The following TRPV2 variants were observed in gnomAD, a reference collection of about 807,000 sequenced individuals.
The protein encoded by TRPV2 is transient receptor potential cation channel subfamily V member 2.
A neutral mutation model predicts 91.0 loss-of-function variants in TRPV2; 58 were observed. The observed-to-expected ratio is 0.64, with a 90% CI of 0.52 to 0.79. TRPV2 has a LOEUF of 0.79. Ranked by LOEUF, TRPV2 falls within the 30% of genes least tolerant of loss-of-function variation. The pLI is 0.00. For missense variants in TRPV2, 807 were observed against 969.6 expected (o/e 0.83, Z 2.23); for synonymous variants, 417 against 414.8 (o/e 1.01, Z -0.06).
At chr17:16,418,441 C>A (rs1312325808) in intron 2 of TRPV2, among the ~76,000 whole-genome samples, 1 of 152,116 alleles carries the variant, frequency 6.6e-6, no homozygotes, top group African/African-American at 2.4e-5. Flanking sequence ...CATTTGGCAC[C>A]CCCTACTTCC....
At chr17:16,431,276 TA>T (rs1568918781) in intron 10 of TRPV2, among the ~76,000 whole-genome samples, 11 of 76,808 alleles carry the variant, frequency 1.4e-4, no homozygotes, top group Non-Finnish European at 1.7e-4. Context: ...TATATATATA[TA>T]TATATATATA....
rs920990102 is a variant in TRPV2 at position 16,428,245 on chromosome 17, C to A, written c.1351-72C>A. 6.1e-6 allele frequency: 9 copies of A among 1,468,064 alleles called. No homozygotes were observed. In the African/African-American group the frequency reaches 9.7e-5, roughly 16 times the overall value. 90.9% of individuals were successfully genotyped at this position (1,468,064 alleles called of 1,614,324 possible). A position where few individuals can be genotyped will look rare whatever the true frequency, so the allele number is the denominator to read the frequency against. On this transcript the variant is annotated intron_variant, in intron 8 of 14. Transcript: ENST00000338560. Reference sequence around the variant, plus strand: ...AGCTCTAGCCTGGGTGGCAGGCTCCCACTCAGCCAGGCCAGCAGGGGGCAT... The same window carrying A: ...AGCTCTAGCCTGGGTGGCAGGCTCCAACTCAGCCAGGCCAGCAGGGGGCAT...
intron 1 of TRPV2, chr17:16,416,609 G>A (rs1362610024): frequency 6.6e-6 from 1 of 152,342 alleles, no homozygotes; most frequent in Admixed American, 6.5e-5. Context: ...GCCCCCAGAG[G>A]CCCTGAGGCA....
rs200069259 is a variant in TRPV2 at position 16,426,838 on chromosome 17, C to G, written c.1212C>G (p.Ile404Met). 1.2e-6 allele frequency: 2 copies of G among 1,613,926 alleles called. No homozygotes were observed. Among genetic ancestry groups the G allele is most frequent in the East Asian group, 4.5e-5 (2 of 44,866 alleles). Residue 404 changes from isoleucine (I) to methionine (M), a missense_variant, in exon 7 of 15, where the codon ATC becomes ATG. Ile to Met is a conservative substitution (Grantham distance 10). Coordinates refer to ENST00000338560, the MANE Select transcript of TRPV2 (RefSeq NM_016113.5). The surrounding 1 kb of genome is among the most constrained non-coding windows in gnomAD (Gnocchi z 6.0). ...TGTGTAATCTGATCTACATGTTCAT[C>G]TTCACCGCTGTTGCCTACCATCAGC... is the stretch of plus-strand genomic sequence containing the variant. ...NFLCNLIYMF[I>M]FTAVAYHQPT...
rs2093397113 is a variant in TRPV2, at chr17:16,428,865, G to A, written c.1470G>A (p.Leu490=). The change falls in exon 10 of 15, where the codon CTG becomes CTA. Residue 490 remains leucine (L), a synonymous_variant. Transcript: ENST00000338560. Reference sequence around the variant, plus strand: ...TGGTGTCCCAGGTGCTGTGTTTCCTGGCCATCGAGTGGTACCTGCCCCTGC... The same window carrying A: ...TGGTGTCCCAGGTGCTGTGTTTCCTAGCCATCGAGTGGTACCTGCCCCTGC... The part of the protein sequence containing the change: ...LTVVSQVLCF[L]AIEWYLPLLV... The A allele has an allele frequency of 6.2e-7, 1 of 1,613,898 alleles. No individual in the cohort carries two copies.
At chr17:16,420,772 T>C (rs8071765) in intron 3 of TRPV2, among the ~76,000 whole-genome samples, 22,780 of 152,102 alleles carry the variant, frequency 0.15, 3,841 homozygotes, top group African/African-American at 0.41. Flanking sequence ...GTTCAGACTT[T>C]CTTTCTTTCT....
At chr17:16,424,526 C>T (rs1466293460) in intron 5 of TRPV2, among the ~76,000 whole-genome samples, 1 of 152,002 alleles carries the variant, frequency 6.6e-6, no homozygotes, top group African/African-American at 2.4e-5. Context: ...GAACTCCTGA[C>T]CTCAGGTGAT....
chr17:16,423,900 G>C, intron 5 of TRPV2, 133 bp downstream of exon 5: 1 of 825,296 alleles, frequency 1.2e-6, no homozygotes. Flanking sequence ...ACTCCTGTTA[G>C]TAAGAAAATT....
Position 16,432,126 on chromosome 17 carries a change from C to A in TRPV2, c.1815C>A (p.Ile605=). The change falls in exon 12 of 15, where the codon ATC becomes ATA. Residue 605 remains isoleucine, a synonymous_variant. Coordinates refer to ENST00000338560, the MANE Select transcript of TRPV2 (RefSeq NM_016113.5). The part of the protein sequence containing the change: ...EASLELFKFT[I]GMGELAFQEQ... ...CCTTGGAGCTCTTCAAATTCACCAT[C>A]GGCATGGGCGAGCTGGCCTTCCAGG... The A allele has an allele frequency of 6.2e-7, 1 of 1,614,240 alleles. No homozygotes were observed. The highest frequency in any genetic ancestry group is 8.5e-7 in the Non-Finnish European group (1 of 1,180,046).
Position 16,426,363 on chromosome 17 carries a change from C to T in TRPV2, c.1095+94C>T. ...GGCTGCCTGCTGGACCATATCTGCC[C>T]CATTCCTGTGCCAGTGGGGGTGTGG... On this transcript the variant is annotated intron_variant, in intron 6 of 14. Coordinates refer to ENST00000338560, the MANE Select transcript of TRPV2 (RefSeq NM_016113.5). The surrounding 1 kb of genome is among the most constrained non-coding windows in gnomAD (Gnocchi z 6.0). 23 of 1,457,050 alleles carry T rather than the reference C, an allele frequency of 1.6e-5. No homozygotes were observed. In the South Asian group the frequency reaches 2.8e-4, roughly 18 times the overall value. 90.3% of individuals were successfully genotyped at this position (1,457,050 alleles called of 1,614,324 possible). A position where few individuals can be genotyped will look rare whatever the true frequency, so the allele number is the denominator to read the frequency against.
chr17:16,435,048 G>C lies in TRPV2; in HGVS notation c.2194+79G>C, dbSNP rs1323070325. The C allele has an allele frequency of 7.8e-7, 1 of 1,289,048 alleles. No individual in the cohort carries two copies. The highest frequency in any genetic ancestry group is 1.5e-5 in the African/African-American group (1 of 65,306). 79.9% of individuals were successfully genotyped at this position (1,289,048 alleles called of 1,614,324 possible). ...TGGCCACAAAGCCTTGGAGAGTCTGGGGCAGGACCCAGAGACCTCCTCATA... is the reference window on the plus strand; with the variant it reads ...TGGCCACAAAGCCTTGGAGAGTCTGCGGCAGGACCCAGAGACCTCCTCATA... On this transcript the variant is annotated intron_variant, in intron 14 of 14. Coordinates refer to ENST00000338560, the MANE Select transcript of TRPV2 (RefSeq NM_016113.5). The surrounding 1 kb of genome is among the most constrained non-coding windows in gnomAD (Gnocchi z 4.2).
chr17:16,424,558 AGT>A (rs2093374101), intron 5 of TRPV2, among the ~76,000 whole-genome samples: 1 of 152,160 alleles, frequency 6.6e-6, no homozygotes, highest in South Asian at 2.1e-4. Context: ...GGCCTCCCAA[AGT>A]GCTGGGATTA....
Position 16,422,693 on chromosome 17 carries a change from G to A in TRPV2, c.429G>A (p.Arg143=). 1 of 1,611,150 alleles carries A rather than the reference G, an allele frequency of 6.2e-7. No homozygotes were observed. Among genetic ancestry groups the A allele is most frequent in the African/African-American group, 1.3e-5 (1 of 74,952 alleles). The change falls in exon 4 of 15, where the codon AGG becomes AGA. Residue 143 remains arginine (R), a synonymous_variant. Coordinates refer to ENST00000338560, the MANE Select transcript of TRPV2 (RefSeq NM_016113.5). ...TTCTGCCACTGCTGCAGATCGACAG[G>A]GACTCTGGCAATCCTCAGCCCCTGG... The part of the protein sequence containing the change: ...ACILPLLQID[R]DSGNPQPLVN...
intron 7 of TRPV2, 145 bp from the exon 8 acceptor site, chr17:16,427,304 C>A: frequency 1.5e-6 from 1 of 676,844 alleles, no homozygotes; most frequent in Non-Finnish European, 2.5e-6. Flanking sequence ...ATCCAGGGGT[C>A]CTTCCCTGGA....
At chr17:16,432,830 A>G (rs1237723356) in intron 12 of TRPV2, among the ~76,000 whole-genome samples, 1 of 143,804 alleles carries the variant, frequency 7.0e-6, no homozygotes, top group African/African-American at 2.6e-5. Flanking sequence ...TTGAGTCAAG[A>G]GTTTTGCTCT....
chr17:16,431,662 A>T lies in TRPV2; in HGVS notation c.1588-122A>T. On this transcript the variant is annotated intron_variant, in intron 10 of 14. Coordinates refer to ENST00000338560, the MANE Select transcript of TRPV2 (RefSeq NM_016113.5). ...TGTGGCTCCACAGGCCCACATATGC[A>T]TATGTATGTGTGCGTATGTGCAGTG... is the stretch of plus-strand genomic sequence containing the variant. 3 of 834,722 alleles carry T rather than the reference A, an allele frequency of 3.6e-6. No individual in the cohort carries two copies. In the South Asian group the frequency reaches 4.4e-5, roughly 12 times the overall value. The allele number at this position is 834,722 out of a possible 1,614,324, so 51.7% of individuals were successfully genotyped here.
At chr17:16,425,212 C>T (rs113056947) in intron 5 of TRPV2, among the ~76,000 whole-genome samples, 2,975 of 151,768 alleles carry the variant, frequency 0.02, 86 homozygotes, top group African/African-American at 0.068. Flanking sequence ...TTAGTAGAGA[C>T]GGGGTTTCTC....
In TRPV2 at chr17:16,422,579, C is replaced by T. The variant is rs2093363200; in HGVS notation, c.335-20C>T. ...AGGTCTCAGCACCACTGTGCCCCTT[C>T]CCCTCCCTTCTTCCCACAGAGGGCT... is the stretch of plus-strand genomic sequence containing the variant. On this transcript the variant is annotated intron_variant, in intron 3 of 14. Transcript: ENST00000338560. 1.9e-6 allele frequency: 3 copies of T among 1,605,292 alleles called. No homozygotes were observed. The highest frequency in any genetic ancestry group is 2.6e-6 in the Non-Finnish European group (3 of 1,175,134).
chr17:16,436,847 T>C lies in TRPV2; in HGVS notation c.2253T>C (p.Ser751=). Residue 751 remains serine (S), a synonymous_variant, in exon 15 of 15, where the codon TCT becomes TCC. Transcript: ENST00000338560. ...CCAAGGAGGATGAGGATGGTGCCTC[T>C]GAGGAAAACTATGTGCCCGTCCAGC... ...SPPKEDEDGA[S]EENYVPVQLL... is the part of the protein sequence containing the mutation. 1 of 1,614,142 alleles carries C rather than the reference T, an allele frequency of 6.2e-7. No individual in the cohort carries two copies. The highest frequency in any genetic ancestry group is 8.5e-7 in the Non-Finnish European group (1 of 1,179,994).
Sources: gnomAD v4.1 joint callset for allele counts (sites outside exome capture counted in the v4.1 genomes callset) on GRCh38, gnomAD v4.1.1 for gene constraint, Gnocchi (gnomAD v3.1) non-coding constraint, MANE v1.5 for transcripts, NCBI Gene and HGNC (gene_info 2026-07-23, HGNC 2026-07-21) for gene names.